THSD4: variants seen among roughly 807,000 people sequenced by gnomAD.
THSD4 encodes the protein thrombospondin type 1 domain containing 4.
A neutral mutation model predicts 119.0 loss-of-function variants in THSD4; 69 were observed. That is an observed-to-expected ratio of 0.58 (90% confidence interval 0.48 to 0.71). The LOEUF is 0.71. Among genes scored for constraint, THSD4 ranks in the 30% least tolerant of loss-of-function variants. The probability of loss-of-function intolerance (pLI) is 0.00; values close to 1 mark genes in which losing one functional copy is unlikely to be tolerated. For missense variants in THSD4, 1,393 were observed against 1,391.1 expected (o/e 1.00, Z -0.02); for synonymous variants, 524 against 540.4 (o/e 0.97, Z 0.42).
At chr15:71,735,701 T>A (rs1005321047) in intron 10 of THSD4, among the ~76,000 whole-genome samples, 1 of 151,640 alleles carries the variant, frequency 6.6e-6, no homozygotes, top group African/African-American at 2.4e-5. Flanking sequence ...TCTGTCTCTG[T>A]CTCTCTTGCT....
In THSD4 at chr15:71,736,274, A is replaced by ACTCTGTCTCTCTCGCT. The variant is rs2053103430; in HGVS notation, c.1631-1446_1631-1431dup. On this transcript the variant is annotated intron_variant, in intron 10 of 17. Transcript: ENST00000261862. The stretch of plus-strand genomic sequence containing the variant: ...CTCTTGCTCTCTGTCTCTGTCTCAC[A>ACTCTGTCTCTCTCGCT]CTCTGTCTCTCTCGCTCTCTGTCTC... 5.5e-4 allele frequency among the ~76,000 whole-genome samples: 32 copies of ACTCTGTCTCTCTCGCT among 58,180 alleles called. No individual in the cohort carries two copies. In the South Asian group the frequency reaches 0.016, roughly 29 times the overall value. 38.2% of individuals were successfully genotyped at this position (58,180 alleles called of 152,430 possible).
intron 8 of THSD4, among the ~76,000 whole-genome samples, chr15:71,669,398 C>T (rs1320117011): frequency 2.0e-5 from 3 of 152,072 alleles, no homozygotes; most frequent in Non-Finnish European, 4.4e-5. Flanking sequence ...TTATCTATTA[C>T]TCTGTGGTGA....
At chr15:71,714,274 G>T (rs901345683) in intron 8 of THSD4, among the ~76,000 whole-genome samples, 3 of 151,922 alleles carry the variant, frequency 2.0e-5, no homozygotes, top group African/African-American at 7.3e-5. Context: ...TTGTGTGTTG[G>T]GGGGGGAGGG....
At chr15:71,427,908 G>A (rs1200592160) in intron 7 of THSD4, among the ~76,000 whole-genome samples, 1 of 152,086 alleles carries the variant, frequency 6.6e-6, no homozygotes, top group African/African-American at 2.4e-5. Context: ...TAAAATTGGG[G>A]TGGGATGTCC....
intron 6 of THSD4, among the ~76,000 whole-genome samples, chr15:71,287,572 A>G (rs776057700): frequency 5.4e-4 from 82 of 152,350 alleles, no homozygotes; most frequent in African/African-American, 1.9e-3. Context: ...AACGAGGGAT[A>G]TGTTCCTGGG....
chr15:71,620,319 G>A (rs184214387), intron 7 of THSD4, among the ~76,000 whole-genome samples: 2 of 152,292 alleles, frequency 1.3e-5, no homozygotes, highest in African/African-American at 4.8e-5. Flanking sequence ...CTGGCTGGGT[G>A]TGGGGGCTCA....
chr15:71,539,334 T>G (rs139366924), intron 7 of THSD4, among the ~76,000 whole-genome samples: 1 of 152,302 alleles, frequency 6.6e-6, no homozygotes, highest in East Asian at 1.9e-4. Flanking sequence ...TTCCACCTAT[T>G]CCACACAATG....
chr15:71,622,569 T>C (rs2050436665), intron 7 of THSD4, among the ~76,000 whole-genome samples: 1 of 152,246 alleles, frequency 6.6e-6, no homozygotes, highest in South Asian at 2.1e-4. Context: ...TTTACACGTG[T>C]GATTCACTTT....
intron 6 of THSD4, among the ~76,000 whole-genome samples, chr15:71,262,864 G>A (rs1291594212): frequency 6.6e-6 from 1 of 152,172 alleles, no homozygotes; most frequent in Non-Finnish European, 1.5e-5. Flanking sequence ...TGGGGACCCA[G>A]GCTGGTAGAA....
intron 7 of THSD4, among the ~76,000 whole-genome samples, chr15:71,520,674 A>G (rs1354821701): frequency 6.6e-6 from 1 of 152,232 alleles, no homozygotes; most frequent in East Asian, 1.9e-4. Context: ...AGCACTTGAC[A>G]TATAGTATTC....
chr15:71,676,305 G>A lies in THSD4; in HGVS notation c.1357+15571G>A, dbSNP rs368939901. Among the ~76,000 whole-genome samples the A allele has an allele frequency of 1.5e-4, 23 of 151,630 alleles. No homozygotes were observed. In the South Asian group the frequency reaches 2.7e-3, roughly 18 times the overall value. On this transcript the variant is annotated intron_variant, in intron 8 of 17. Transcript: ENST00000261862. Reference sequence around the variant, plus strand: ...CATTTTCAGAATTTTTTTTTGAGACGGAGTCTCGCTGTGTCGCCCAGGTTG... The same window carrying A: ...CATTTTCAGAATTTTTTTTTGAGACAGAGTCTCGCTGTGTCGCCCAGGTTG...
intron 7 of THSD4, among the ~76,000 whole-genome samples, chr15:71,561,863 AACACACACACACAC>A (rs71154780): frequency 0.024 from 3,189 of 130,384 alleles, 63 homozygotes; most frequent in Admixed American, 0.052. Flanking sequence ...TTTTAAAATA[AACACACACACACAC>A]ACACACACAC....
intron 7 of THSD4, among the ~76,000 whole-genome samples, chr15:71,468,186 C>T (rs989180784): frequency 2.0e-5 from 3 of 152,208 alleles, no homozygotes; most frequent in African/African-American, 4.8e-5. Flanking sequence ...CCCATGCACA[C>T]GCTCTCTCTT....
intron 7 of THSD4, among the ~76,000 whole-genome samples, chr15:71,578,425 C>A (rs1482433229): frequency 2.0e-5 from 3 of 151,950 alleles, no homozygotes; most frequent in East Asian, 3.9e-4. Flanking sequence ...CCATTGATTT[C>A]TTTTGACTTT....
At chr15:71,749,431 A>C (rs2053402681) in intron 14 of THSD4, among the ~76,000 whole-genome samples, 2 of 152,202 alleles carry the variant, frequency 1.3e-5, no homozygotes, top group Non-Finnish European at 2.9e-5. Flanking sequence ...CACAGCTGTG[A>C]GAGGCACCAA....
At chr15:71,563,811 A>G (rs1382665285) in intron 7 of THSD4, among the ~76,000 whole-genome samples, 1 of 152,108 alleles carries the variant, frequency 6.6e-6, no homozygotes, top group Admixed American at 6.5e-5. Flanking sequence ...TCCTTTAAGT[A>G]TATTCAACTG....
chr15:71,598,558 C>T (rs139887934), intron 7 of THSD4, among the ~76,000 whole-genome samples: 39 of 152,270 alleles, frequency 2.6e-4, no homozygotes, highest in African/African-American at 8.9e-4. Flanking sequence ...TTGTGCCCCA[C>T]CCTGTGCTTT....
At chr15:71,696,937 T>C (rs561474102) in intron 8 of THSD4, among the ~76,000 whole-genome samples, 1 of 152,212 alleles carries the variant, frequency 6.6e-6, no homozygotes, top group Non-Finnish European at 1.5e-5. Flanking sequence ...ACACGAGGTG[T>C]CCAGGTCGAT....
chr15:71,712,433 C>T (rs151242057), intron 8 of THSD4, among the ~76,000 whole-genome samples: 48 of 152,208 alleles, frequency 3.2e-4, no homozygotes, highest in African/African-American at 1.2e-3. Context: ...GAGCTCAAAT[C>T]AATAATGTGA....
Sources: allele counts gnomAD v4.1 joint callset (sites outside exome capture counted in the v4.1 genomes callset), GRCh38; gene constraint gnomAD v4.1.1; transcripts MANE v1.5; gene names NCBI Gene and HGNC (gene_info 2026-07-23, HGNC 2026-07-21).